The following UBFD1 variants were observed in gnomAD, a reference collection of about 807,000 sequenced individuals.
UBFD1 encodes ubiquitin domain-containing protein UBFD1.
In UBFD1, 12 loss-of-function variants were observed where a neutral mutation model predicts 35.1. The ratio of observed to expected loss-of-function variants is 0.34; its 90% CI spans 0.22 to 0.55. The LOEUF is 0.55. Ranked by LOEUF, UBFD1 falls within the 20% of genes least tolerant of loss-of-function variation. The pLI, the probability that UBFD1 is intolerant of heterozygous loss-of-function variation, is 0.89. For synonymous variants in UBFD1, 178 were observed against 167.6 expected, an observed-to-expected ratio of 1.06 and a Z score of -0.48; for missense variants, 337 against 410.8, an observed-to-expected ratio of 0.82 and a Z score of 1.55.
At chr16:23,563,272 G>C (rs1469136962) in intron 5 of UBFD1, among the ~76,000 whole-genome samples, 1 of 152,112 alleles carries the variant, frequency 6.6e-6, no homozygotes, top group Non-Finnish European at 1.5e-5. Flanking sequence ...CTGTAGGTCA[G>C]AGTTTGACCC....
chr16:23,570,151 G>A (rs1220710892), intron 6 of UBFD1, among the ~76,000 whole-genome samples: 2 of 152,154 alleles, frequency 1.3e-5, no homozygotes, highest in Non-Finnish European at 2.9e-5. Context: ...TCACCTGGGA[G>A]CTTGCTAGTT....
At chr16:23,565,099 TAA>T (rs1442751513) in intron 5 of UBFD1, 1 of 152,266 alleles carries the variant, frequency 6.6e-6, no homozygotes, top group African/African-American at 2.4e-5. Context: ...TCCTGTTACC[TAA>T]GTGTCATAAG....
At chr16:23,559,220 A>G in intron 2 of UBFD1, 1 of 378,408 alleles carries the variant, frequency 2.6e-6, no homozygotes, top group Non-Finnish European at 4.9e-6. Context: ...AATGCTAGCC[A>G]CCGTACTAAA....
At chr16:23,559,233 C>T in intron 2 of UBFD1, 1 of 417,194 alleles carries the variant, frequency 2.4e-6, no homozygotes, top group Non-Finnish European at 4.4e-6. Flanking sequence ...GTACTAAATG[C>T]CCCGCATTGG....
chr16:23,562,858 GGCTTTTAAATTT>G, intron 5 of UBFD1, 128 bp downstream of exon 5: 1 of 826,246 alleles, frequency 1.2e-6, no homozygotes, highest in Non-Finnish European at 2.0e-6. Context: ...GCTTGCTTCT[GGCTTTTAAATTT>G]GCTTTTAGAT....
rs1209350707 is a variant in UBFD1, at chr16:23,571,848, G to C, written c.*1258G>C. 6.6e-6 allele frequency: 1 copy of C among 152,636 alleles called. No homozygotes were observed. The highest frequency in any genetic ancestry group is 1.9e-4 in the East Asian group (1 of 5,202). The allele number at this position is 152,636 out of a possible 1,614,324, so 9.5% of individuals were successfully genotyped here. A position where few individuals can be genotyped will look rare whatever the true frequency, so the allele number is the denominator to read the frequency against. The stretch of plus-strand genomic sequence containing the variant: ...CTGTTCTCTGTACACGTGAACTTCT[G>C]TCATCTCCTTCTGGCTTGGTTGCCT... On this transcript the variant is annotated 3_prime_UTR_variant, in exon 7 of 7. Transcript: ENST00000395878.
rs1201535863 is a variant in UBFD1, at chr16:23,573,871, A to G, written c.*3281A>G. The G allele has an allele frequency of 1.3e-5, 2 of 152,392 alleles. No homozygotes were observed. The highest frequency in any genetic ancestry group is 2.4e-5 in the African/African-American group (1 of 41,450). 9.4% of individuals were successfully genotyped at this position (152,392 alleles called of 1,614,324 possible). On this transcript the variant is annotated 3_prime_UTR_variant, in exon 7 of 7. Coordinates refer to ENST00000395878, the MANE Select transcript of UBFD1 (RefSeq NM_019116.3). ...GATTGAGTGTGCCAAGGGCCGTGCA[A>G]GGGCAGGCTTGCTTTCCACCCATCT...
chr16:23,558,154 C>G lies in UBFD1; in HGVS notation c.230C>G (p.Ala77Gly), dbSNP rs766257618. 2.0e-5 allele frequency: 32 copies of G among 1,604,968 alleles called. No homozygotes were observed. The African/African-American group carries it at 4.2e-4, about 21-fold the overall frequency. Reference protein sequence around the residue: ...AQASVSNGEDAGGGAGRELVD... With the variant: ...AQASVSNGEDGGGGAGRELVD... ...GCCTCGGTCAGCAACGGCGAAGACG[C>G]GGGCGGCGGCGCGGGCAGGGAGCTG... Residue 77 changes from alanine (A) to glycine (G), a missense_variant, in exon 2 of 7, where the codon GCG becomes GGG. Physicochemically the swap from Ala to Gly is moderately conservative, Grantham distance 60. This residue lies in a region of UBFD1 where 198 missense variants were observed against 168.4 expected (regional missense o/e 1.18). Coordinates refer to ENST00000395878, the MANE Select transcript of UBFD1 (RefSeq NM_019116.3).
Position 23,574,185 on chromosome 16 carries a change from C to T in UBFD1, c.*3595C>T, listed in dbSNP as rs1966123748. On this transcript the variant is annotated 3_prime_UTR_variant, in exon 7 of 7. Coordinates refer to ENST00000395878, the MANE Select transcript of UBFD1 (RefSeq NM_019116.3). ...TAAAGAGTTCTGCTGAATTATTTGA[C>T]AATATTTGTAAGTACCATGTTTCCT... is the stretch of plus-strand genomic sequence containing the variant. 1 of 152,370 alleles carries T rather than the reference C, an allele frequency of 6.6e-6. No individual in the cohort carries two copies. The highest frequency in any genetic ancestry group is 1.9e-4 in the East Asian group (1 of 5,190). 9.4% of individuals were successfully genotyped at this position (152,370 alleles called of 1,614,324 possible).
intron 5 of UBFD1, among the ~76,000 whole-genome samples, chr16:23,563,348 C>T (rs1965965783): frequency 6.6e-6 from 1 of 152,096 alleles, no homozygotes; most frequent in African/African-American, 2.4e-5. Flanking sequence ...CCTGGTTGCC[C>T]TCTGCCTGCC....
intron 3 of UBFD1, among the ~76,000 whole-genome samples, chr16:23,560,487 C>T (rs763818564): frequency 2.0e-5 from 3 of 152,170 alleles, no homozygotes; most frequent in Admixed American, 6.5e-5. Context: ...CAATCAACAT[C>T]ATTTAGTGAC....
intron 3 of UBFD1, chr16:23,559,974 G>A: frequency 8.6e-7 from 1 of 1,156,298 alleles, no homozygotes; most frequent in East Asian, 2.6e-5. Flanking sequence ...CTCTTATTTA[G>A]TGCCAGAGAA....
At chr16:23,564,915 A>G (rs28589459) in intron 5 of UBFD1, 12,472 of 152,242 alleles carry the variant, frequency 0.082, 905 homozygotes, top group African/African-American at 0.19. Context: ...GAAGAAGCTC[A>G]ATATGTTGGG....
Position 23,562,666 on chromosome 16 carries a change from A to G in UBFD1, c.672A>G (p.Lys224=), listed in dbSNP as rs1174857582. The part of the protein sequence containing the change: ...PTVPLSGMYN[K]SGGKVRLTFK... ...TACCGCTGTCCGGCATGTACAATAAATCTGGAGGAAAAGTGAGACTCACCT... is the reference window on the plus strand; with the variant it reads ...TACCGCTGTCCGGCATGTACAATAAGTCTGGAGGAAAAGTGAGACTCACCT... Residue 224 remains lysine, a synonymous_variant, in exon 5 of 7, where the codon AAA becomes AAG. Transcript: ENST00000395878. 6.2e-7 allele frequency: 1 copy of G among 1,614,152 alleles called. No individual in the cohort carries two copies. The highest frequency in any genetic ancestry group is 1.7e-5 in the Admixed American group (1 of 60,026).
chr16:23,565,797 C>T lies in UBFD1; in HGVS notation c.737-1190C>T, dbSNP rs553276469. ...CTATCTTTCCAGATTTTTCTTTCTG[C>T]AAAGGCTGCAAGTTTTTTTCCACTT... is the stretch of plus-strand genomic sequence containing the variant. On this transcript the variant is annotated intron_variant, in intron 5 of 6. Coordinates refer to ENST00000395878, the MANE Select transcript of UBFD1 (RefSeq NM_019116.3). 6 of 152,304 alleles carry T rather than the reference C, an allele frequency of 3.9e-5. No individual in the cohort carries two copies. In the East Asian group the frequency reaches 1.2e-3, roughly 29 times the overall value. The allele number at this position is 152,304 out of a possible 1,614,324, so 9.4% of individuals were successfully genotyped here.
Position 23,570,486 on chromosome 16 carries a change from C to G in UBFD1, c.826C>G (p.Gln276Glu), listed in dbSNP as rs1365385807. ...TTTCCTTTTTCCCTTCCAGGCGTTT[C>G]AGTTGGGCCCCACGGAAGCCTCTTA... ...GHEDYHMMAFQLGPTEASYYW... is the reference protein window; with the variant it reads ...GHEDYHMMAFELGPTEASYYW... Residue 276 changes from glutamine (Q) to glutamate (E), a missense_variant, in exon 7 of 7, where the codon CAG (glutamine) becomes GAG (glutamate). Gln to Glu is a conservative substitution (Grantham distance 29). Transcript: ENST00000395878. 2 of 1,613,788 alleles carry G rather than the reference C, an allele frequency of 1.2e-6. No homozygotes were observed. The highest frequency in any genetic ancestry group is 1.7e-6 in the Non-Finnish European group (2 of 1,179,886).
intron 6 of UBFD1, 44 bp downstream of exon 6, chr16:23,567,113 A>G (rs2234433): frequency 0.016 from 24,440 of 1,566,534 alleles, 250 homozygotes; most frequent in Non-Finnish European, 0.018. Context: ...CTAGACTCCC[A>G]CTTCACCTGG....
chr16:23,558,071 C>T lies in UBFD1; in HGVS notation c.147C>T (p.Ala49=). The T allele has an allele frequency of 7.1e-7, 1 of 1,415,752 alleles. No individual in the cohort carries two copies. The highest frequency in any genetic ancestry group is 3.0e-5 in the East Asian group (1 of 33,514). 87.7% of individuals were successfully genotyped at this position (1,415,752 alleles called of 1,614,324 possible). A position where few individuals can be genotyped will look rare whatever the true frequency, so the allele number is the denominator to read the frequency against. The change falls in exon 2 of 7, where the codon GCC becomes GCT. Residue 49 remains alanine (A), a synonymous_variant. Coordinates refer to ENST00000395878, the MANE Select transcript of UBFD1 (RefSeq NM_019116.3). Reference sequence around the variant, plus strand: ...GGGCGGCGGCCGAGGACTCCGGCGCCGCACGAGGCAGCCTGCAGCCGGCCC... The same window carrying T: ...GGGCGGCGGCCGAGGACTCCGGCGCTGCACGAGGCAGCCTGCAGCCGGCCC... ...AAGAAAEDSG[A]ARGSLQPAPA...
intron 4 of UBFD1, 91 bp downstream of exon 4, chr16:23,562,362 C>T: frequency 7.7e-7 from 1 of 1,292,910 alleles, no homozygotes; most frequent in Non-Finnish European, 1.1e-6. Flanking sequence ...TCTCTTTTTT[C>T]CCTGTTTTTT....
Sources: allele counts gnomAD v4.1 joint callset (sites outside exome capture counted in the v4.1 genomes callset), GRCh38; gene constraint gnomAD v4.1.1; regional missense constraint gnomAD v4.1.1; transcripts MANE v1.5; gene names NCBI Gene and HGNC (gene_info 2026-07-23, HGNC 2026-07-21).